PEX1: variants seen among roughly 807,000 people sequenced by gnomAD.
PEX1 encodes peroxisomal biogenesis factor 1, also known as peroxisomal ATPase PEX1.
A neutral mutation model predicts 152.5 loss-of-function variants in PEX1; 97 were observed. That is an observed-to-expected ratio of 0.64 (90% CI 0.54 to 0.75). The LOEUF (loss-of-function observed/expected upper bound fraction) is 0.75, where lower values mean the gene tolerates loss of function less well. Among genes scored for constraint, PEX1 ranks in the 30% least tolerant of loss-of-function variants. The pLI, the probability that PEX1 is intolerant of heterozygous loss-of-function variation, is 0.00. For synonymous variants in PEX1, 485 were observed against 531.6 expected (o/e 0.91, Z 1.21); for missense variants, 1,357 against 1,516.3 (o/e 0.89, Z 1.74).
At position 92,524,628 on chromosome 7, in the gene PEX1, C is replaced by T. The variant is rs143231398; in HGVS notation, c.130-2383G>A. The stretch of plus-strand genomic sequence containing the variant: ...TGGAGCCACTTCTGGGACAATATAA[C>T]GTACTGGAAATTAACCATGTTATTA... On this transcript the variant is annotated intron_variant, in intron 1 of 23. Transcript: ENST00000248633. Among the ~76,000 whole-genome samples, 496 of 152,258 alleles carry T rather than the reference C, an allele frequency of 3.3e-3. 7 individuals carry two copies. Among genetic ancestry groups the T allele is most frequent in the African/African-American group, 0.011 (441 of 41,562 alleles).
At chr7:92,494,051 A>ATTTTTTT in intron 19 of PEX1, 1 of 464,132 alleles carries the variant, frequency 2.2e-6, no homozygotes, top group Non-Finnish European at 3.9e-6. Context: ...GGTTTCTTGC[A>ATTTTTTT]TTTTTTTTTC....
chr7:92,494,724 T>A, intron 17 of PEX1, 95 bp from the exon 18 acceptor site: 1 of 767,170 alleles, frequency 1.3e-6, no homozygotes, highest in South Asian at 2.5e-5. Context: ...TTTTATGTAT[T>A]TATATATATT....
At chr7:92,506,106 A>AAGACTTAAAATTTCTC in intron 11 of PEX1, 142 bp downstream of exon 11, 1 of 423,616 alleles carries the variant, frequency 2.4e-6, no homozygotes, top group Non-Finnish European at 3.9e-6. Flanking sequence ...TAGAAAGCCA[A>AAGACTTAAAATTTCTC]AGAAATTTTA....
chr7:92,522,091 CAT>C lies in PEX1; in HGVS notation c.273+9_273+10del. 1 of 1,613,206 alleles carries C rather than the reference CAT, an allele frequency of 6.2e-7. No individual in the cohort carries two copies. The highest frequency in any genetic ancestry group is 8.5e-7 in the Non-Finnish European group (1 of 1,179,208). ...TATTAGAAGAAAGTTATTGCCATCACATGTGCTTACCTGTCCCCCATTTGAGA... is the reference window on the plus strand; with the variant it reads ...TATTAGAAGAAAGTTATTGCCATCACGTGCTTACCTGTCCCCCATTTGAGA... On this transcript the variant is annotated intron_variant, in intron 2 of 23. Coordinates refer to ENST00000248633, the MANE Select transcript of PEX1 (RefSeq NM_000466.3).
intron 8 of PEX1, among the ~76,000 whole-genome samples, chr7:92,509,953 G>A (rs1792377442): frequency 6.6e-6 from 1 of 152,084 alleles, no homozygotes; most frequent in African/African-American, 2.4e-5. Context: ...AGAGCAGCCT[G>A]GCCAACATGG....
At chr7:92,519,198 T>G (rs536204006) in intron 2 of PEX1, 120 bp from the exon 3 acceptor site, 1 of 670,782 alleles carries the variant, frequency 1.5e-6, no homozygotes, top group Non-Finnish European at 2.7e-6. Flanking sequence ...ATGTTTTGGA[T>G]GGGGGTGTAT....
chr7:92,496,121 T>G (rs1177655816), intron 17 of PEX1, among the ~76,000 whole-genome samples: 1 of 152,122 alleles, frequency 6.6e-6, no homozygotes, highest in Non-Finnish European at 1.5e-5. Flanking sequence ...TATTCTTCCT[T>G]AAGCTGCATA....
At chr7:92,510,765 A>C (rs1792424126) in intron 8 of PEX1, 179 bp downstream of exon 8, 2 of 487,788 alleles carry the variant, frequency 4.1e-6, no homozygotes, top group Middle Eastern at 5.6e-4. Flanking sequence ...TAAGTCAATA[A>C]TTTGTACAGA....
intron 19 of PEX1, 97 bp downstream of exon 19, chr7:92,494,196 C>G (rs549672537): frequency 1.1e-6 from 1 of 889,310 alleles, no homozygotes; most frequent in African/African-American, 1.6e-5. Flanking sequence ...GAAAGCTGGT[C>G]TTCTAAGGAC....
Position 92,522,132 on chromosome 7 carries a change from A to G in PEX1, c.243T>C (p.Gly81=), listed in dbSNP as rs1176971018. ...ENVAEINRQV[G]QKLGLSNGGQ... ...CCCCATTTGAGAGTCCAAGTTTTTG[A>G]CCAACTTGTCTGTTAATTTCAGCCA... Residue 81 remains glycine, a synonymous_variant, in exon 2 of 24, where the codon GGT becomes GGC. Coordinates refer to ENST00000248633, the MANE Select transcript of PEX1 (RefSeq NM_000466.3). The G allele has an allele frequency of 6.2e-7, 1 of 1,614,016 alleles. No homozygotes were observed. Among genetic ancestry groups the G allele is most frequent in the African/African-American group, 1.3e-5 (1 of 74,934 alleles).
chr7:92,509,043 T>C (rs1322764255), intron 9 of PEX1, among the ~76,000 whole-genome samples: 1 of 151,636 alleles, frequency 6.6e-6, no homozygotes, highest in Non-Finnish European at 1.5e-5. Context: ...ATTCTCAAAG[T>C]AAAATTTCTA....
At chr7:92,508,289 G>A (rs769922690) in intron 9 of PEX1, among the ~76,000 whole-genome samples, 18 of 152,084 alleles carry the variant, frequency 1.2e-4, no homozygotes, top group Non-Finnish European at 2.2e-4. Context: ...AGTGGTTCAC[G>A]CCTGTAATCC....
At chr7:92,501,220 A>C (rs1791906850) in intron 15 of PEX1, among the ~76,000 whole-genome samples, 1 of 152,150 alleles carries the variant, frequency 6.6e-6, no homozygotes, top group Non-Finnish European at 1.5e-5. Context: ...GCTACTGGGG[A>C]GGCTGAGGCA....
chr7:92,504,058 T>C (rs1467308235), intron 12 of PEX1, among the ~76,000 whole-genome samples: 1 of 152,078 alleles, frequency 6.6e-6, no homozygotes, highest in Non-Finnish European at 1.5e-5. Context: ...AATTGGTTCA[T>C]GCTAATTTCT....
At position 92,528,518 on chromosome 7, in the gene PEX1, G is replaced by T; in HGVS notation, c.-83C>A. 1.4e-6 allele frequency: 2 copies of T among 1,465,158 alleles called. No homozygotes were observed. Among genetic ancestry groups the T allele is most frequent in the Middle Eastern group, 2.5e-4 (1 of 4,074 alleles). 90.8% of individuals were successfully genotyped at this position (1,465,158 alleles called of 1,614,324 possible). ...CGGCAGGCCGAGGACGTCGGAGCCG[G>T]AGGAGATCGATCGGCCCCGCCCCCT... On this transcript the variant is annotated 5_prime_UTR_variant, in exon 1 of 24. Transcript: ENST00000248633.
At position 92,501,887 on chromosome 7, in the gene PEX1, T is replaced by C. The variant is rs765572397; in HGVS notation, c.2416+3A>G. 1.9e-6 allele frequency: 3 copies of C among 1,611,550 alleles called. No homozygotes were observed. Among genetic ancestry groups the C allele is most frequent in the Non-Finnish European group, 2.5e-6 (3 of 1,177,818 alleles). On this transcript the variant is annotated splice_donor_region_variant and intron_variant, in intron 14 of 23. Transcript: ENST00000248633. ...AAGTTCAGGTTTTAATAGTAAAACATACTTTCTCTGGTGGATATACTCTGA... is the reference window on the plus strand; with the variant it reads ...AAGTTCAGGTTTTAATAGTAAAACACACTTTCTCTGGTGGATATACTCTGA...
At chr7:92,516,290 G>T (rs1029247833) in intron 5 of PEX1, among the ~76,000 whole-genome samples, 1 of 151,912 alleles carries the variant, frequency 6.6e-6, no homozygotes, top group African/African-American at 2.4e-5. Flanking sequence ...AGCCAGGCGT[G>T]GTGGTGCATG....
intron 2 of PEX1, among the ~76,000 whole-genome samples, chr7:92,521,390 G>C (rs1476573248): frequency 1.3e-5 from 2 of 152,024 alleles, no homozygotes; most frequent in Non-Finnish European, 1.5e-5. Context: ...ACTCATAAGG[G>C]AAAACAAAAA....
Position 92,518,174 on chromosome 7 carries a change from C to A in PEX1, c.439G>T (p.Val147Phe). 1 of 1,613,018 alleles carries A rather than the reference C, an allele frequency of 6.2e-7. No homozygotes were observed. The highest frequency in any genetic ancestry group is 8.5e-7 in the Non-Finnish European group (1 of 1,179,056). ...ATAAATATGTACGTTTGTTGATCAA[C>A]CCAAACAGGAAAAATGGCTTTTGGA... Reference protein sequence around the residue: ...VFPKAIFPVWVDQQTYIFIQI... With the variant: ...VFPKAIFPVWFDQQTYIFIQI... Residue 147 changes from valine (V) to phenylalanine (F), a missense_variant, in exon 4 of 24, where the codon GTT becomes TTT. Transcript: ENST00000248633.
Sources: gnomAD v4.1 joint callset for allele counts (sites outside exome capture counted in the v4.1 genomes callset) on GRCh38, gnomAD v4.1.1 for gene constraint, MANE v1.5 for transcripts, NCBI Gene and HGNC (gene_info 2026-07-23, HGNC 2026-07-21) for gene names.